The following AGBL4 variants were observed in gnomAD, a reference collection of about 807,000 sequenced individuals.
The protein encoded by AGBL4 is cytosolic carboxypeptidase 6.
Under a neutral mutation model 66.4 loss-of-function variants are expected in AGBL4, and 58 were observed. The observed-to-expected ratio is 0.87, with a 90% CI of 0.71 to 1.09. The LOEUF is 1.09. AGBL4 is among the 50% of genes least tolerant of loss of function. The probability of loss-of-function intolerance (pLI) is 0.00; values close to 1 mark genes in which losing one functional copy is unlikely to be tolerated. For missense variants in AGBL4, 579 were observed against 631.0 expected (o/e 0.92, Z 0.88); for synonymous variants, 234 against 222.9 (o/e 1.05, Z -0.44).
intron 3 of AGBL4, among the ~76,000 whole-genome samples, chr1:49,336,101 C>A (rs1645432234): frequency 6.6e-6 from 1 of 152,068 alleles, no homozygotes; most frequent in African/African-American, 2.4e-5. Flanking sequence ...AAGCTGGAGA[C>A]CTAGGAGACC....
intron 6 of AGBL4, among the ~76,000 whole-genome samples, chr1:48,806,482 C>T (rs137886262): frequency 1.3e-5 from 2 of 152,172 alleles, no homozygotes; most frequent in East Asian, 3.8e-4. Context: ...CCTCTAGTGC[C>T]CCTACATTGA....
intron 5 of AGBL4, among the ~76,000 whole-genome samples, chr1:48,971,611 G>C (rs1402727319): frequency 6.6e-6 from 1 of 152,138 alleles, no homozygotes; most frequent in Non-Finnish European, 1.5e-5. Context: ...TTCAAGAACA[G>C]ACAAAACTAA....
chr1:49,309,477 T>A (rs1644907240), intron 3 of AGBL4, among the ~76,000 whole-genome samples: 1 of 152,106 alleles, frequency 6.6e-6, no homozygotes, highest in Non-Finnish European at 1.5e-5. Flanking sequence ...GACCATGTTT[T>A]AACAAGAACT....
intron 1 of AGBL4, among the ~76,000 whole-genome samples, chr1:49,918,026 T>C (rs935276081): frequency 6.6e-6 from 1 of 152,172 alleles, no homozygotes; most frequent in Non-Finnish European, 1.5e-5. Flanking sequence ...AAGATGTTCT[T>C]TGAAACCAAT....
intron 11 of AGBL4, among the ~76,000 whole-genome samples, chr1:48,571,090 T>G (rs2803272): frequency 6.6e-6 from 1 of 152,098 alleles, no homozygotes; most frequent in Non-Finnish European, 1.5e-5. Context: ...TGTTAGGTAC[T>G]GACATGCATT....
chr1:49,724,424 T>A (rs1200043964), intron 2 of AGBL4, among the ~76,000 whole-genome samples: 4 of 152,136 alleles, frequency 2.6e-5, no homozygotes, highest in African/African-American at 9.7e-5. Flanking sequence ...ACAGACATAG[T>A]CCCTTTCCTT....
intron 6 of AGBL4, among the ~76,000 whole-genome samples, chr1:48,842,782 G>A (rs1379115053): frequency 6.6e-6 from 1 of 152,000 alleles, no homozygotes; most frequent in Admixed American, 6.6e-5. Context: ...TTCCATCGAG[G>A]GATGAATAGA....
At chr1:49,079,833 C>A (rs1226380910) in intron 4 of AGBL4, among the ~76,000 whole-genome samples, 2 of 152,196 alleles carry the variant, frequency 1.3e-5, no homozygotes, top group Non-Finnish European at 2.9e-5. Flanking sequence ...GTAGCACCCA[C>A]CTTGGGCTTA....
intron 2 of AGBL4, among the ~76,000 whole-genome samples, chr1:49,727,441 AG>A (rs1456820989): frequency 6.6e-6 from 1 of 152,170 alleles, no homozygotes; most frequent in Non-Finnish European, 1.5e-5. Context: ...CATTACATCC[AG>A]GGAATATCTC....
chr1:48,954,788 G>A (rs1407141089), intron 5 of AGBL4, among the ~76,000 whole-genome samples: 2 of 151,734 alleles, frequency 1.3e-5, no homozygotes, highest in Admixed American at 6.6e-5. Flanking sequence ...CTCTAATCAC[G>A]TTATTTCCAG....
At chr1:48,802,265 G>A (rs1645826640) in intron 6 of AGBL4, among the ~76,000 whole-genome samples, 1 of 152,178 alleles carries the variant, frequency 6.6e-6, no homozygotes. Context: ...GCCTGGCTAA[G>A]TCTTTCTTAA....
chr1:48,580,503 G>A (rs1397677688), intron 11 of AGBL4, among the ~76,000 whole-genome samples: 1 of 152,182 alleles, frequency 6.6e-6, no homozygotes, highest in Admixed American at 6.5e-5. Flanking sequence ...GCTAGAGGAT[G>A]GGGAGGGTTT....
chr1:49,165,434 G>T (rs1029264337), intron 4 of AGBL4, among the ~76,000 whole-genome samples: 1 of 152,110 alleles, frequency 6.6e-6, no homozygotes, highest in Non-Finnish European at 1.5e-5. Flanking sequence ...CTTGGAAGGT[G>T]ATATGTGGCT....
intron 2 of AGBL4, among the ~76,000 whole-genome samples, chr1:49,827,580 T>C (rs1645544239): frequency 6.6e-6 from 1 of 152,192 alleles, no homozygotes; most frequent in African/African-American, 2.4e-5. Flanking sequence ...CAAGGCAGTG[T>C]TATTCAAAAT....
chr1:48,647,540 A>C (rs1457662568), intron 8 of AGBL4: 3 of 382,112 alleles, frequency 7.9e-6, no homozygotes, highest in Non-Finnish European at 1.6e-5. Context: ...AAAACCAATA[A>C]ATTTATTCAA....
intron 3 of AGBL4, among the ~76,000 whole-genome samples, chr1:49,254,391 T>C (rs2148344123): frequency 6.6e-6 from 1 of 152,042 alleles, no homozygotes; most frequent in Admixed American, 6.6e-5. Flanking sequence ...ATAAGCCAAA[T>C]CAGGAATGTA....
At chr1:48,958,485 A>G (rs1657680968) in intron 5 of AGBL4, among the ~76,000 whole-genome samples, 2 of 152,236 alleles carry the variant, frequency 1.3e-5, no homozygotes, top group Admixed American at 6.5e-5. Context: ...AGTGATGTAT[A>G]CTACGTTTAG....
Position 48,897,950 on chromosome 1 carries a change from C to T in AGBL4, c.595-30720G>A, listed in dbSNP as rs181318819. On this transcript the variant is annotated intron_variant, in intron 5 of 13. Coordinates refer to ENST00000371839, the MANE Select transcript of AGBL4 (RefSeq NM_032785.4). ...TCAGCCTCCCGACTAGCTGGGACTA[C>T]AGGCACATGCCACCATACCCGGCTA... is the stretch of plus-strand genomic sequence containing the variant. 2.1e-3 allele frequency among the ~76,000 whole-genome samples: 313 copies of T among 152,054 alleles called. 1 individual carries two copies. The highest frequency in any genetic ancestry group is 7.4e-3 in the African/African-American group (305 of 41,486).
intron 3 of AGBL4, among the ~76,000 whole-genome samples, chr1:49,384,870 A>G (rs1570585944): frequency 6.6e-6 from 1 of 152,184 alleles, no homozygotes; most frequent in Admixed American, 6.5e-5. Context: ...ATCCAAAAAT[A>G]ATTGAAAGAA....
Sources: allele counts gnomAD v4.1 joint callset (sites outside exome capture counted in the v4.1 genomes callset), GRCh38; gene constraint gnomAD v4.1.1; transcripts MANE v1.5; gene names NCBI Gene and HGNC (gene_info 2026-07-23, HGNC 2026-07-21).